MPDZ: variants seen among roughly 807,000 people sequenced by gnomAD.
MPDZ encodes the protein multiple PDZ domain protein.
Under a neutral mutation model 239.1 loss-of-function variants are expected in MPDZ, and 234 were observed. That is an observed-to-expected ratio of 0.98 (90% CI 0.88 to 1.09). The LOEUF (loss-of-function observed/expected upper bound fraction) is 1.09, where lower values mean the gene tolerates loss of function less well. Ranked by LOEUF, MPDZ falls within the 50% of genes least tolerant of loss-of-function variation. The pLI is 0.00. For missense variants in MPDZ, 3,175 were observed against 2,510.0 expected (o/e 1.26, Z -5.66); for synonymous variants, 1,048 against 881.3 (o/e 1.19, Z -3.35).
chr9:13,203,445 C>T (rs1956623636), intron 12 of MPDZ, among the ~76,000 whole-genome samples: 1 of 152,096 alleles, frequency 6.6e-6, no homozygotes, highest in South Asian at 2.1e-4. Flanking sequence ...CAGAACAACT[C>T]TCCATTCTCA....
rs1287435214 is a variant in MPDZ, at chr9:13,121,929, T to C, written c.5041A>G (p.Asn1681Asp). Reference sequence around the variant, plus strand: ...GTGGCCTTTCTCAAGTCAATTCCATTCACCTGTACAGAAATGGGACACTGA... The same window carrying C: ...GTGGCCTTTCTCAAGTCAATTCCATCCACCTGTACAGAAATGGGACACTGA... ...LWAGDQILEV[N>D]GIDLRKATHD... is the part of the protein sequence containing the mutation. The change falls in exon 38 of 47, where the codon AAT (asparagine) becomes GAT (aspartate). Residue 1681 changes from asparagine to aspartate, a missense_variant. Transcript: ENST00000319217. The C allele has an allele frequency of 1.9e-6, 3 of 1,612,970 alleles. No individual in the cohort carries two copies. The highest frequency in any genetic ancestry group is 4.5e-5 in the East Asian group (2 of 44,846).
intron 24 of MPDZ, 107 bp downstream of exon 24, chr9:13,157,911 C>T (rs1180973383): frequency 4.6e-6 from 4 of 874,998 alleles, no homozygotes; most frequent in African/African-American, 1.7e-5. Context: ...AAACAACTCA[C>T]CCGATATAAC....
At position 13,247,783 on chromosome 9, in the gene MPDZ, T is replaced by G. The variant is rs753480520; in HGVS notation, c.35A>C (p.His12Pro). Residue 12 changes from histidine to proline, a missense_variant, in exon 3 of 47, where the codon CAT becomes CCT. Transcript: ENST00000319217. ...CTTGGTTTGCAAGCGCTCTGCTGCATGCAGGGCCCGATTTTTGTCTATACC... is the reference window on the plus strand; with the variant it reads ...CTTGGTTTGCAAGCGCTCTGCTGCAGGCAGGGCCCGATTTTTGTCTATACC... The part of the protein sequence containing the change: ...LEAIDKNRAL[H>P]AAERLQTKLR... 4 of 1,607,712 alleles carry G rather than the reference T, an allele frequency of 2.5e-6. No homozygotes were observed. In the African/African-American group the frequency reaches 4.0e-5, roughly 16 times the overall value.
chr9:13,231,235 GA>G (rs1291377890), intron 3 of MPDZ, among the ~76,000 whole-genome samples: 4 of 152,030 alleles, frequency 2.6e-5, no homozygotes, highest in African/African-American at 9.7e-5. Context: ...AAAAATACAT[GA>G]AATGAACAAA....
intron 1 of MPDZ, among the ~76,000 whole-genome samples, chr9:13,257,642 A>G (rs1969751046): frequency 6.6e-6 from 1 of 152,218 alleles, no homozygotes; most frequent in Non-Finnish European, 1.5e-5. Context: ...ACTTTTTCAA[A>G]GACAATGATA....
chr9:13,261,036 T>C (rs1970570127), intron 1 of MPDZ, among the ~76,000 whole-genome samples: 1 of 152,150 alleles, frequency 6.6e-6, no homozygotes, highest in South Asian at 2.1e-4. Flanking sequence ...ATCTAAGTGC[T>C]GACATGAAAA....
rs145049906 is a variant in MPDZ at position 13,239,774 on chromosome 9, C to T, written c.183+7861G>A. Among the ~76,000 whole-genome samples the T allele has an allele frequency of 5.8e-3, 877 of 152,186 alleles. 4 individuals carry two copies. The highest frequency in any genetic ancestry group is 8.3e-3 in the Non-Finnish European group (567 of 67,954). The stretch of plus-strand genomic sequence containing the variant: ...TATGCCAAAAGTGGTAAATGGATGT[C>T]AAGCAAACCTGAAATACAATTAATT... On this transcript the variant is annotated intron_variant, in intron 3 of 46. Coordinates refer to ENST00000319217, the MANE Select transcript of MPDZ (RefSeq NM_001378778.1).
chr9:13,193,072 G>A (rs956552385), intron 14 of MPDZ, 95 bp downstream of exon 14: 45 of 1,206,642 alleles, frequency 3.7e-5, no homozygotes, highest in Non-Finnish European at 4.5e-5. Flanking sequence ...CTTTGGAGGG[G>A]AAATTTAAAA....
chr9:13,216,913 A>C, intron 9 of MPDZ, 51 bp from the exon 10 acceptor site: 1 of 1,384,010 alleles, frequency 7.2e-7, no homozygotes, highest in Non-Finnish European at 1.0e-6. Context: ...ACATTCAAAG[A>C]ATATCCATCT....
In MPDZ at chr9:13,168,400, A is replaced by G; in HGVS notation, c.3220T>C (p.Leu1074=). The change falls in exon 22 of 47, where the codon TTG becomes CTG. Residue 1074 remains leucine (L), a synonymous_variant. Coordinates refer to ENST00000319217, the MANE Select transcript of MPDZ (RefSeq NM_001378778.1). ...SVTNAQARAM[L]RRHSLIGPDI... is the part of the protein sequence containing the mutation. The stretch of plus-strand genomic sequence containing the variant: ...GGGCCAATGAGAGAATGTCTTCTCA[A>G]CATAGCTCGTGCCTGGGCATTGGTT... 6.2e-7 allele frequency: 1 copy of G among 1,613,494 alleles called. No individual in the cohort carries two copies. Among genetic ancestry groups the G allele is most frequent in the Non-Finnish European group, 8.5e-7 (1 of 1,179,528 alleles).
chr9:13,259,241 T>C (rs1588164976), intron 1 of MPDZ, among the ~76,000 whole-genome samples: 1 of 149,114 alleles, frequency 6.7e-6, no homozygotes, highest in African/African-American at 2.5e-5. Context: ...CTCCGCCTCC[T>C]GGGTTCAAGC....
At chr9:13,143,336 C>CTTTGTTTT in intron 27 of MPDZ, 130 bp downstream of exon 27, 5 of 681,850 alleles carry the variant, frequency 7.3e-6, no homozygotes, top group South Asian at 4.0e-5. Context: ...CTCCAAACAG[C>CTTTGTTTT]TTTGTTTTTT....
intron 1 of MPDZ, among the ~76,000 whole-genome samples, chr9:13,267,409 A>C (rs1220442483): frequency 6.6e-6 from 1 of 152,178 alleles, no homozygotes; most frequent in Admixed American, 6.5e-5. Context: ...GAGGTTCAGA[A>C]AGATAGTGTT....
chr9:13,219,543 A>G lies in MPDZ; in HGVS notation c.1086+16T>C. 6.2e-7 allele frequency: 1 copy of G among 1,606,664 alleles called. No individual in the cohort carries two copies. The highest frequency in any genetic ancestry group is 1.1e-5 in the South Asian group (1 of 90,502). ...TATTTCTCTGACTTTCACATTAACTACTCTTAACTACTTACCCGCAACTCT... is the reference window on the plus strand; with the variant it reads ...TATTTCTCTGACTTTCACATTAACTGCTCTTAACTACTTACCCGCAACTCT... On this transcript the variant is annotated intron_variant, in intron 8 of 46. Transcript: ENST00000319217.
intron 3 of MPDZ, among the ~76,000 whole-genome samples, chr9:13,245,750 T>C (rs1588085123): frequency 6.6e-6 from 1 of 152,132 alleles, no homozygotes; most frequent in South Asian, 2.1e-4. Flanking sequence ...TCCAAGTAGG[T>C]TTCATCTGAA....
chr9:13,252,474 G>A (rs1968312501), intron 1 of MPDZ, among the ~76,000 whole-genome samples: 1 of 150,776 alleles, frequency 6.6e-6, no homozygotes, highest in South Asian at 2.1e-4. Flanking sequence ...TCTGAGACAG[G>A]AGAATCACTT....
chr9:13,145,161 TTACTC>T (rs374875874), intron 26 of MPDZ, among the ~76,000 whole-genome samples: 5 of 152,088 alleles, frequency 3.3e-5, no homozygotes, highest in African/African-American at 9.7e-5. Flanking sequence ...AAATGGTAGA[TTACTC>T]TATTATTAGG....
At chr9:13,159,310 T>A (rs2133444958) in intron 23 of MPDZ, among the ~76,000 whole-genome samples, 1 of 152,258 alleles carries the variant, frequency 6.6e-6, no homozygotes, top group African/African-American at 2.4e-5. Context: ...TACCCATTGG[T>A]TTTGTGTTTG....
intron 17 of MPDZ, 130 bp downstream of exon 17, chr9:13,188,654 G>T: frequency 1.6e-6 from 1 of 644,592 alleles, no homozygotes; most frequent in Non-Finnish European, 2.6e-6. Flanking sequence ...TACGAATGGA[G>T]CTAGTAATCA....
Sources: allele counts gnomAD v4.1 joint callset (sites outside exome capture counted in the v4.1 genomes callset), GRCh38; gene constraint gnomAD v4.1.1; transcripts MANE v1.5; gene names NCBI Gene and HGNC (gene_info 2026-07-23, HGNC 2026-07-21).